The following MREG variants were observed in gnomAD, a reference collection of about 807,000 sequenced individuals.
MREG encodes melanoregulin, also known as dilute suppressor protein homolog.
A neutral mutation model predicts 28.5 loss-of-function variants in MREG; 31 were observed. The ratio of observed to expected loss-of-function variants is 1.09; its 90% CI spans 0.82 to 1.47. The LOEUF (loss-of-function observed/expected upper bound fraction) is 1.47. Ranked by LOEUF, MREG falls within the 40% of genes most tolerant of loss-of-function variation. The pLI, the probability that MREG is intolerant of heterozygous loss-of-function variation, is 0.00. For missense variants in MREG, 256 were observed against 257.4 expected, an observed-to-expected ratio of 0.99 and a Z score of 0.04; for synonymous variants, 106 against 95.2, an observed-to-expected ratio of 1.11 and a Z score of -0.66.
chr2:215,981,826 T>A (rs1693434754), intron 2 of MREG, among the ~76,000 whole-genome samples: 1 of 152,202 alleles, frequency 6.6e-6, no homozygotes, highest in Admixed American at 6.5e-5. Flanking sequence ...ATTAAATAAC[T>A]ATTCAGTATC....
intron 2 of MREG, among the ~76,000 whole-genome samples, chr2:215,980,793 C>G (rs1693405220): frequency 7.8e-6 from 1 of 129,018 alleles, no homozygotes; most frequent in Admixed American, 9.6e-5. Flanking sequence ...GCCTGGGCAA[C>G]AAAGCAAGGC....
chr2:215,985,595 A>G (rs1693547486), intron 2 of MREG, among the ~76,000 whole-genome samples: 1 of 152,000 alleles, frequency 6.6e-6, no homozygotes, highest in Non-Finnish European at 1.5e-5. Flanking sequence ...GCTCTTCTAT[A>G]TATATTTTTT....
downstream of MREG, chr2:215,939,638 T>A (rs372809943): frequency 6.6e-6 from 1 of 152,226 alleles, no homozygotes; most frequent in African/African-American, 2.4e-5. Context: ...GACAGATTTT[T>A]AGTATCTTCT....
chr2:216,004,344 C>G (rs754438083), intron 1 of MREG, among the ~76,000 whole-genome samples: 1 of 152,118 alleles, frequency 6.6e-6, no homozygotes, highest in Non-Finnish European at 1.5e-5. Context: ...GTTTATTGGG[C>G]TCCCCAACAC....
At chr2:215,965,391 A>G (rs10498050) in intron 2 of MREG, among the ~76,000 whole-genome samples, 6,207 of 152,322 alleles carry the variant, frequency 0.041, 227 homozygotes, top group African/African-American at 0.09. Context: ...CAGCAAGAAC[A>G]AGGTGACGAC....
At chr2:215,981,966 GCCA>G (rs1693438259) in intron 2 of MREG, among the ~76,000 whole-genome samples, 1 of 152,166 alleles carries the variant, frequency 6.6e-6, no homozygotes, top group African/African-American at 2.4e-5. Context: ...CATCAGGTTT[GCCA>G]CTATTTATTG....
At chr2:215,990,345 C>T (rs953309256) in intron 2 of MREG, among the ~76,000 whole-genome samples, 6 of 152,178 alleles carry the variant, frequency 3.9e-5, no homozygotes, top group African/African-American at 1.4e-4. Context: ...CAAGCAAATA[C>T]TGAGAGATTT....
chr2:215,962,375 T>C (rs563925603), intron 2 of MREG, among the ~76,000 whole-genome samples: 13 of 152,190 alleles, frequency 8.5e-5, no homozygotes, highest in Admixed American at 2.6e-4. Flanking sequence ...AAACTCAGGA[T>C]GAGATTTTGC....
chr2:215,954,597 G>A (rs1371100652), intron 2 of MREG, among the ~76,000 whole-genome samples: 2 of 152,030 alleles, frequency 1.3e-5, no homozygotes, highest in African/African-American at 4.8e-5. Context: ...AAATCTAAGT[G>A]CATCGAATTC....
At chr2:215,974,594 G>C (rs1439026812) in intron 2 of MREG, among the ~76,000 whole-genome samples, 1 of 152,070 alleles carries the variant, frequency 6.6e-6, no homozygotes, top group African/African-American at 2.4e-5. Context: ...GGTGGTGAGG[G>C]CACAGTGGTG....
At chr2:215,966,098 C>G (rs188195970) in intron 2 of MREG, among the ~76,000 whole-genome samples, 2 of 152,158 alleles carry the variant, frequency 1.3e-5, no homozygotes, top group East Asian at 3.9e-4. Context: ...GCACTGTACA[C>G]CTTACTTAGA....
chr2:215,953,828 A>G (rs7574767), intron 2 of MREG, among the ~76,000 whole-genome samples: 14,225 of 152,224 alleles, frequency 0.093, 832 homozygotes, highest in African/African-American at 0.17. Context: ...TGTAAAGCCC[A>G]CTCATTGAGT....
chr2:216,010,354 C>CTCTT (rs1404098443), intron 1 of MREG, among the ~76,000 whole-genome samples: 3 of 94,368 alleles, frequency 3.2e-5, no homozygotes, highest in African/African-American at 4.2e-5. Context: ...AAAGATTTCT[C>CTCTT]TTTTTTTTTT....
At chr2:215,945,206 G>T (rs770048003) in intron 4 of MREG, among the ~76,000 whole-genome samples, 2 of 152,068 alleles carry the variant, frequency 1.3e-5, no homozygotes, top group Non-Finnish European at 2.9e-5. Context: ...ACTCCTTAGC[G>T]TCCTTTCTCC....
At chr2:216,018,971 A>G (rs981369735) in intron 1 of MREG, among the ~76,000 whole-genome samples, 1 of 152,226 alleles carries the variant, frequency 6.6e-6, no homozygotes, top group Non-Finnish European at 1.5e-5. Context: ...TTGCTTCTTA[A>G]CGGCAAAGAC....
At chr2:216,023,637 A>G (rs566414398) in intron 1 of MREG, among the ~76,000 whole-genome samples, 1 of 152,236 alleles carries the variant, frequency 6.6e-6, no homozygotes, top group Non-Finnish European at 1.5e-5. Flanking sequence ...ATTTAAATGA[A>G]GCATTAAAAC....
chr2:216,033,352 C>G (rs2105937141), upstream of MREG, among the ~76,000 whole-genome samples: 1 of 152,154 alleles, frequency 6.6e-6, no homozygotes, highest in East Asian at 1.9e-4. Flanking sequence ...ATTTTGCATA[C>G]AAATTCCTCC....
chr2:216,015,153 ACGTGTGCGCGCGCGCGTG>A (rs987749359), upstream of MREG, among the ~76,000 whole-genome samples: 22 of 55,490 alleles, frequency 4.0e-4, no homozygotes, highest in African/African-American at 3.0e-3. Context: ...GTGCGTGCGT[ACGTGTGCGCGCGCGCGTG>A]CGTGTGTGTT....
Position 216,008,678 on chromosome 2 carries a change from T to C in MREG, c.95+4555A>G, listed in dbSNP as rs78463134. 5.1e-4 allele frequency among the ~76,000 whole-genome samples: 77 copies of C among 152,346 alleles called. 1 individual carries two copies. In the East Asian group the frequency reaches 0.013, roughly 27 times the overall value. On this transcript the variant is annotated intron_variant, in intron 1 of 4. Transcript: ENST00000263268. ...AGTAAAATAAAATCTCAGTTTGCTC[T>C]AGATGACTGTTTTGTGCCCACACAA...
Sources: allele counts gnomAD v4.1 joint callset (sites outside exome capture counted in the v4.1 genomes callset), GRCh38; gene constraint gnomAD v4.1.1; transcripts MANE v1.5; gene names NCBI Gene and HGNC (gene_info 2026-07-23, HGNC 2026-07-21).